The following ANKAR variants were observed in gnomAD, a reference collection of about 807,000 sequenced individuals.
ANKAR encodes the protein ankyrin and armadillo repeat-containing protein.
ANKAR carries 136 observed loss-of-function variants against 146.2 expected under a neutral mutation model. The observed-to-expected ratio is 0.93, with a 90% confidence interval of 0.81 to 1.07. ANKAR has a LOEUF of 1.07. Among genes scored for constraint, ANKAR ranks in the 50% least tolerant of loss-of-function variants. The pLI is 0.00. For missense variants in ANKAR, 1,567 were observed against 1,679.9 expected, an observed-to-expected ratio of 0.93 and a Z score of 1.18; for synonymous variants, 500 against 575.8, an observed-to-expected ratio of 0.87 and a Z score of 1.88.
intron 16 of ANKAR, among the ~76,000 whole-genome samples, chr2:189,731,844 G>A (rs2042430046): frequency 6.6e-6 from 1 of 152,080 alleles, no homozygotes; most frequent in Non-Finnish European, 1.5e-5. Context: ...GTGACTACAG[G>A]AGTGCACCAC....
In ANKAR at chr2:189,725,682, C is replaced by A. The variant is rs181667198; in HGVS notation, c.2636-2174C>A. On this transcript the variant is annotated intron_variant, in intron 12 of 22. Transcript: ENST00000684021. ...CAGCACTTTGCGGGGCCAAGACGGG[C>A]AAATAGCTTGAGCTCATGAGTTCAA... is the stretch of plus-strand genomic sequence containing the variant. Among the ~76,000 whole-genome samples, 7 of 152,160 alleles carry A rather than the reference C, an allele frequency of 4.6e-5. No homozygotes were observed. In the East Asian group the frequency reaches 7.7e-4, roughly 17 times the overall value.
intron 10 of ANKAR, among the ~76,000 whole-genome samples, chr2:189,714,816 G>C (rs1389878035): frequency 1.3e-5 from 2 of 151,798 alleles, no homozygotes; most frequent in East Asian, 1.9e-4. Context: ...CGTGGTGGTG[G>C]GTACCTGTAG....
At position 189,728,213 on chromosome 2, in the gene ANKAR, T is replaced by C. The variant is rs1034491700; in HGVS notation, c.2878-54T>C. 3.9e-6 allele frequency: 6 copies of C among 1,528,250 alleles called. No homozygotes were observed. In the Admixed American group the frequency reaches 8.8e-5, roughly 22 times the overall value. 94.7% of individuals were successfully genotyped at this position (1,528,250 alleles called of 1,614,324 possible). On this transcript the variant is annotated intron_variant, in intron 13 of 22. Coordinates refer to ENST00000684021, the MANE Select transcript of ANKAR (RefSeq NM_001378068.1). ...AATAAACATTTTATAAAATATGCAT[T>C]CCTAAAATGTTCAATAAATGTTCAC...
intron 13 of ANKAR, 42 bp from the exon 14 acceptor site, chr2:189,728,225 C>G (rs780698950): frequency 6.5e-7 from 1 of 1,544,568 alleles, no homozygotes; most frequent in African/African-American, 1.4e-5. Flanking sequence ...CTAAAATGTT[C>G]AATAAATGTT....
intron 18 of ANKAR, chr2:189,752,576 C>T: frequency 3.5e-6 from 5 of 1,419,268 alleles, no homozygotes; most frequent in Non-Finnish European, 4.9e-6. Flanking sequence ...CAATGAAAAC[C>T]TCATATATAA....
chr2:189,718,367 CA>C (rs2040808025), intron 10 of ANKAR, among the ~76,000 whole-genome samples: 2 of 148,618 alleles, frequency 1.3e-5, no homozygotes, highest in Non-Finnish European at 3.0e-5. Context: ...CAGACACACA[CA>C]CACACACACA....
chr2:189,677,952 C>G (rs1208800716), intron 2 of ANKAR, among the ~76,000 whole-genome samples: 1 of 152,122 alleles, frequency 6.6e-6, no homozygotes, highest in African/African-American at 2.4e-5. Context: ...GGGTAGATAC[C>G]TGGTAGTGGG....
chr2:189,703,452 A>G lies in ANKAR; in HGVS notation c.1709-1571A>G, dbSNP rs184980217. Among the ~76,000 whole-genome samples, 242 of 152,298 alleles carry G rather than the reference A, an allele frequency of 1.6e-3. 1 individual carries two copies. The highest frequency in any genetic ancestry group is 2.4e-3 in the Non-Finnish European group (165 of 68,024). On this transcript the variant is annotated intron_variant, in intron 7 of 22. Transcript: ENST00000684021. ...GGTCTGTACAACTGGCTGGATCATCATATCTCTCACTGATTTAGGAAGCAA... is the reference window on the plus strand; with the variant it reads ...GGTCTGTACAACTGGCTGGATCATCGTATCTCTCACTGATTTAGGAAGCAA...
chr2:189,740,065 G>C (rs1051464952), intron 19 of ANKAR, among the ~76,000 whole-genome samples: 3 of 152,130 alleles, frequency 2.0e-5, no homozygotes, highest in African/African-American at 7.2e-5. Flanking sequence ...TGATGTGCTT[G>C]GTGTCAAGTT....
In ANKAR at chr2:189,745,724, G is replaced by C. The variant is rs538264078; in HGVS notation, c.4058-656G>C. Among the ~76,000 whole-genome samples, 712 of 152,314 alleles carry C rather than the reference G, an allele frequency of 4.7e-3. 10 individuals carry two copies. The highest frequency in any genetic ancestry group is 7.6e-3 in the Non-Finnish European group (515 of 68,022). On this transcript the variant is annotated intron_variant, in intron 22 of 22. Coordinates refer to ENST00000684021, the MANE Select transcript of ANKAR (RefSeq NM_001378068.1). ...AACATTCAGAAGTCAAGATCAGTTT[G>C]CTAGAGTCACAAACAGAAAGGAAGA...
chr2:189,755,000 AT>A, intron 18 of ANKAR: 2 of 705,288 alleles, frequency 2.8e-6, no homozygotes, highest in Non-Finnish European at 4.5e-6. Flanking sequence ...AAGGCTAAGA[AT>A]TATAAAATTG....
intron 7 of ANKAR, among the ~76,000 whole-genome samples, chr2:189,698,159 T>G (rs1034720280): frequency 6.6e-6 from 1 of 152,318 alleles, no homozygotes; most frequent in East Asian, 1.9e-4. Context: ...AAAAAGGCTA[T>G]TGCATATATT....
chr2:189,705,553 A>G (rs1574498268), intron 8 of ANKAR, among the ~76,000 whole-genome samples: 2 of 152,298 alleles, frequency 1.3e-5, no homozygotes, highest in East Asian at 1.9e-4. Context: ...GGTTCTGCAG[A>G]TTAACTTTTC....
chr2:189,677,427 A>T (rs1466945477), intron 2 of ANKAR, among the ~76,000 whole-genome samples: 1 of 152,068 alleles, frequency 6.6e-6, no homozygotes, highest in African/African-American at 2.4e-5. Context: ...GTAGTCTTTT[A>T]TCCCTCATTT....
At chr2:189,748,484 A>G (rs1300293501), downstream of ANKAR, among the ~76,000 whole-genome samples, 2 of 152,206 alleles carry the variant, frequency 1.3e-5, no homozygotes, top group East Asian at 1.9e-4. Context: ...TTGGCCTCCC[A>G]AAGCATTAGG....
At position 189,728,784 on chromosome 2, in the gene ANKAR, TCTC is replaced by T. The variant is rs1352696712; in HGVS notation, c.3157_3159del (p.Leu1053del). On this transcript the variant is annotated inframe_deletion, in exon 15 of 23. Transcript: ENST00000684021. ...TTAGTACGATTGCTGAAGGCACACT[TCTC>T]AGTGTCATCAGAGCAGTGGGATCCA... 8 of 1,613,914 alleles carry T rather than the reference TCTC, an allele frequency of 5.0e-6. No individual in the cohort carries two copies. The highest frequency in any genetic ancestry group is 1.7e-5 in the Admixed American group (1 of 59,966).
At chr2:189,749,195 G>A (rs555796012), downstream of ANKAR, among the ~76,000 whole-genome samples, 28 of 140,632 alleles carry the variant, frequency 2.0e-4, no homozygotes, top group South Asian at 3.4e-3. Flanking sequence ...GCAGTGAGCC[G>A]AGATCGAGCC....
chr2:189,713,680 C>T (rs545305503), intron 10 of ANKAR, among the ~76,000 whole-genome samples: 15 of 152,264 alleles, frequency 9.9e-5, no homozygotes, highest in Admixed American at 7.2e-4. Flanking sequence ...TAAAGACCAT[C>T]GATGCTAGGA....
intron 7 of ANKAR, among the ~76,000 whole-genome samples, 185 bp downstream of exon 7, chr2:189,696,554 T>C (rs752663019): frequency 9.2e-5 from 14 of 152,226 alleles, no homozygotes; most frequent in Non-Finnish European, 1.6e-4. Context: ...AGCTAGCTTA[T>C]ATGGTTTTAT....
Sources: gnomAD v4.1 joint callset for allele counts (sites outside exome capture counted in the v4.1 genomes callset) on GRCh38, gnomAD v4.1.1 for gene constraint, MANE v1.5 for transcripts, NCBI Gene and HGNC (gene_info 2026-07-23, HGNC 2026-07-21) for gene names.